The following DPYD variants were observed in gnomAD, a reference collection of about 807,000 sequenced individuals.
The protein encoded by DPYD is dihydropyrimidine dehydrogenase [NADP(+)].
A neutral mutation model predicts 116.2 loss-of-function variants in DPYD; 109 were observed. The ratio of observed to expected loss-of-function variants is 0.94; its 90% CI spans 0.80 to 1.10. DPYD has a LOEUF of 1.10. DPYD is among the 50% of genes least tolerant of loss of function. The pLI, the probability that DPYD is intolerant of heterozygous loss-of-function variation, is 0.00. For synonymous variants in DPYD, 440 were observed against 432.0 expected (o/e 1.02, Z -0.23); for missense variants, 1,302 against 1,254.5 (o/e 1.04, Z -0.57).
intron 20 of DPYD, among the ~76,000 whole-genome samples, chr1:97,134,588 G>A (rs921970681): frequency 3.9e-5 from 6 of 152,134 alleles, no homozygotes; most frequent in African/African-American, 1.2e-4. Flanking sequence ...AGGAAGAGGA[G>A]GAAACGTGTC....
intron 3 of DPYD, among the ~76,000 whole-genome samples, chr1:97,816,937 C>A (rs1668640796): frequency 6.6e-6 from 1 of 152,166 alleles, no homozygotes; most frequent in African/African-American, 2.4e-5. Flanking sequence ...ATTAATCTAT[C>A]AGAGAAAATC....
chr1:97,766,935 C>T (rs1356641020), intron 3 of DPYD, among the ~76,000 whole-genome samples: 1 of 152,040 alleles, frequency 6.6e-6, no homozygotes, highest in African/African-American at 2.4e-5. Context: ...CTACGAAGGT[C>T]ATCATAGAGG....
intron 7 of DPYD, among the ~76,000 whole-genome samples, chr1:97,683,431 C>T (rs1027416111): frequency 6.6e-6 from 1 of 151,438 alleles, no homozygotes; most frequent in Non-Finnish European, 1.5e-5. Context: ...TCTAAAACTA[C>T]GAAGCAGAAG....
chr1:97,389,791 T>C (rs1327797494), intron 14 of DPYD, among the ~76,000 whole-genome samples: 2 of 151,362 alleles, frequency 1.3e-5, no homozygotes, highest in African/African-American at 4.9e-5. Context: ...AATTTACTAA[T>C]CAAATTTTGC....
At chr1:97,724,663 G>A (rs953379125) in intron 4 of DPYD, among the ~76,000 whole-genome samples, 2 of 151,372 alleles carry the variant, frequency 1.3e-5, no homozygotes, top group Non-Finnish European at 3.0e-5. Flanking sequence ...CTACACTTGG[G>A]AGGGCTATCT....
chr1:97,646,716 T>C (rs902751852), intron 8 of DPYD, among the ~76,000 whole-genome samples: 1 of 152,144 alleles, frequency 6.6e-6, no homozygotes, highest in Non-Finnish European at 1.5e-5. Flanking sequence ...TTATTACTCA[T>C]CATGTAATGA....
rs1408327475 is a variant in DPYD at position 97,286,135 on chromosome 1, C to A, written c.2299+19124G>T. On this transcript the variant is annotated intron_variant, in intron 18 of 22. Transcript: ENST00000370192. ...GCCTGGTGGTGAGAAAATCTCTCAG[C>A]ATTTGCTTGTCTGTAAAGGATTTTA... 3.9e-5 allele frequency among the ~76,000 whole-genome samples: 6 copies of A among 152,118 alleles called. No individual in the cohort carries two copies. In the South Asian group the frequency reaches 1.0e-3, roughly 26 times the overall value.
chr1:97,342,272 C>A (rs945075529), intron 16 of DPYD, among the ~76,000 whole-genome samples: 1 of 152,104 alleles, frequency 6.6e-6, no homozygotes, highest in African/African-American at 2.4e-5. Context: ...CTCCTGTATT[C>A]TTGTAGTATT....
intron 18 of DPYD, among the ~76,000 whole-genome samples, chr1:97,236,660 C>T (rs1054691636): frequency 1.3e-5 from 2 of 152,118 alleles, no homozygotes; most frequent in Non-Finnish European, 2.9e-5. Context: ...TACACACACA[C>T]ACACAAAACA....
chr1:97,673,818 G>T (rs1437385226), intron 8 of DPYD, among the ~76,000 whole-genome samples: 1 of 151,960 alleles, frequency 6.6e-6, no homozygotes, highest in African/African-American at 2.4e-5. Context: ...GTATCAAATA[G>T]AAAAAAAGCA....
intron 20 of DPYD, among the ~76,000 whole-genome samples, chr1:97,127,553 C>T (rs1248700887): frequency 6.6e-6 from 1 of 152,074 alleles, no homozygotes; most frequent in Non-Finnish European, 1.5e-5. Context: ...CTAAATAATT[C>T]TAGAAATTCC....
chr1:97,784,999 T>C (rs999967012), intron 3 of DPYD, among the ~76,000 whole-genome samples: 3 of 152,222 alleles, frequency 2.0e-5, no homozygotes, highest in African/African-American at 7.2e-5. Context: ...TAAAATATAA[T>C]TTTTTATAAT....
At chr1:97,610,297 C>T (rs1471453225) in intron 8 of DPYD, among the ~76,000 whole-genome samples, 6 of 151,900 alleles carry the variant, frequency 3.9e-5, no homozygotes, top group Admixed American at 6.6e-5. Flanking sequence ...TGTAAGTGCA[C>T]GGTTAAGGAG....
intron 10 of DPYD, among the ~76,000 whole-genome samples, chr1:97,583,024 A>C (rs1653802576): frequency 1.3e-5 from 2 of 152,100 alleles, no homozygotes; most frequent in African/African-American, 2.4e-5. Flanking sequence ...GCTGGAGTGC[A>C]GGGGTGTGAT....
At chr1:97,691,976 A>G (rs1326999010) in intron 6 of DPYD, among the ~76,000 whole-genome samples, 178 bp from the exon 7 acceptor site, 1 of 152,172 alleles carries the variant, frequency 6.6e-6, no homozygotes, top group Admixed American at 6.5e-5. Context: ...TGATATAAAC[A>G]TGTTACGTGG....
At chr1:97,096,446 T>C (rs1335774002) in intron 21 of DPYD, among the ~76,000 whole-genome samples, 4 of 152,112 alleles carry the variant, frequency 2.6e-5, no homozygotes, top group Non-Finnish European at 4.4e-5. Flanking sequence ...TTAATTCAAA[T>C]TGATTAAGAA....
chr1:97,330,922 A>G (rs1368821009), intron 16 of DPYD, among the ~76,000 whole-genome samples: 1 of 152,200 alleles, frequency 6.6e-6, no homozygotes, highest in Non-Finnish European at 1.5e-5. Context: ...GACACAGTAG[A>G]TATCTTTGTT....
intron 16 of DPYD, among the ~76,000 whole-genome samples, chr1:97,315,134 T>C (rs59776017): frequency 0.01 from 1,581 of 152,064 alleles, 26 homozygotes; most frequent in African/African-American, 0.036. Flanking sequence ...GAAAAATACA[T>C]GCAGAAGCAG....
chr1:97,730,751 A>C (rs780935119), intron 4 of DPYD, among the ~76,000 whole-genome samples: 1 of 152,068 alleles, frequency 6.6e-6, no homozygotes, highest in African/African-American at 2.4e-5. Context: ...AGAGAAAGAA[A>C]AAGATGAAAT....
Sources: gnomAD v4.1 joint callset for allele counts (sites outside exome capture counted in the v4.1 genomes callset) on GRCh38, gnomAD v4.1.1 for gene constraint, MANE v1.5 for transcripts, NCBI Gene and HGNC (gene_info 2026-07-23, HGNC 2026-07-21) for gene names.